The following TRAF1 variants were observed in gnomAD, a reference collection of about 807,000 sequenced individuals.
TRAF1 encodes TNF receptor-associated factor 1.
TRAF1 carries 23 observed loss-of-function variants against 40.9 expected under a neutral mutation model. The ratio of observed to expected loss-of-function variants is 0.56; its 90% CI spans 0.40 to 0.80. The LOEUF (loss-of-function observed/expected upper bound fraction) is 0.80. Ranked by LOEUF, TRAF1 falls within the 30% of genes least tolerant of loss-of-function variation. The pLI is 0.00. For synonymous variants in TRAF1, 206 were observed against 218.8 expected (o/e 0.94, Z 0.52); for missense variants, 477 against 528.7 (o/e 0.90, Z 0.96).
rs188414480 is a variant in TRAF1 at position 120,923,344 on chromosome 9, G to A, written c.228+361C>T. 5.3e-5 allele frequency among the ~76,000 whole-genome samples: 8 copies of A among 152,288 alleles called. No homozygotes were observed. The East Asian group carries it at 9.6e-4, about 18-fold the overall frequency. On this transcript the variant is annotated intron_variant, in intron 3 of 7. Coordinates refer to ENST00000373887, the MANE Select transcript of TRAF1 (RefSeq NM_005658.5). ...AGTGAGAGAGTGGCCTCACAGCCTCGAGAATTACAGGTCATTATGCATGGC... is the reference window on the plus strand; with the variant it reads ...AGTGAGAGAGTGGCCTCACAGCCTCAAGAATTACAGGTCATTATGCATGGC...
Position 120,926,035 on chromosome 9 carries a change from T to A in TRAF1, c.41A>T (p.Asp14Val). 2 of 1,611,184 alleles carry A rather than the reference T, an allele frequency of 1.2e-6. No homozygotes were observed. Among genetic ancestry groups the A allele is most frequent in the Non-Finnish European group, 8.5e-7 (1 of 1,178,572 alleles). ...SSGSSPRPAP[D>V]ENEFPFGCPP... Reference sequence around the variant, plus strand: ...GCACCCAAAGGGAAACTCATTCTCATCAGGGGCCGGGCGAGGACTGCTGCC... The same window carrying A: ...GCACCCAAAGGGAAACTCATTCTCAACAGGGGCCGGGCGAGGACTGCTGCC... The change falls in exon 2 of 8, where the codon GAT (aspartate) becomes GTT (valine). Residue 14 changes from aspartate (D) to valine (V), a missense_variant. Physicochemically the swap from Asp to Val is radical, Grantham distance 152. Transcript: ENST00000373887.
chr9:120,911,846 C>G (rs192415985), intron 5 of TRAF1, among the ~76,000 whole-genome samples: 1 of 152,276 alleles, frequency 6.6e-6, no homozygotes, highest in Admixed American at 6.5e-5. Context: ...CCACCGAAAG[C>G]TGGGCCCATG....
At chr9:120,922,912 A>G (rs529983846) in intron 3 of TRAF1, among the ~76,000 whole-genome samples, 1 of 152,210 alleles carries the variant, frequency 6.6e-6, no homozygotes, top group South Asian at 2.1e-4. Context: ...ATCATGGTTC[A>G]CTGCAGCCTC....
chr9:120,928,478 A>C (rs2046654859), upstream of TRAF1: 1 of 152,346 alleles, frequency 6.6e-6, no homozygotes. Context: ...TTCCTTCCGG[A>C]ATCCCTTCCT....
chr9:120,922,441 T>TA (rs1441648965), intron 3 of TRAF1, among the ~76,000 whole-genome samples: 1 of 152,198 alleles, frequency 6.6e-6, no homozygotes, highest in Non-Finnish European at 1.5e-5. Context: ...ATAAACTGAT[T>TA]TATAGAATTG....
chr9:120,905,379 G>C (rs979719262), intron 7 of TRAF1, 141 bp from the exon 8 acceptor site: 17 of 946,238 alleles, frequency 1.8e-5, no homozygotes, highest in Non-Finnish European at 2.3e-5. Context: ...TTAGGAGTCA[G>C]AGAAACCAAG....
chr9:120,925,376 T>A (rs960749412), intron 2 of TRAF1, among the ~76,000 whole-genome samples: 1 of 152,222 alleles, frequency 6.6e-6, no homozygotes, highest in African/African-American at 2.4e-5. Flanking sequence ...ACTGATATCA[T>A]GCCTTTCTGG....
chr9:120,918,328 A>C (rs762016400), intron 3 of TRAF1, among the ~76,000 whole-genome samples: 1 of 152,058 alleles, frequency 6.6e-6, no homozygotes, highest in Admixed American at 6.6e-5. Flanking sequence ...ATTATTACTA[A>C]TAATAAATTA....
rs1361795763 is a variant in TRAF1 at position 120,926,591 on chromosome 9, A to C, written c.-268T>G. 6.6e-6 allele frequency: 1 copy of C among 152,196 alleles called. No homozygotes were observed. Among genetic ancestry groups the C allele is most frequent in the Non-Finnish European group, 1.5e-5 (1 of 68,154 alleles). The allele number at this position is 152,196 out of a possible 1,614,324, so 9.4% of individuals were successfully genotyped here. ...CCCAGGGTGTTGGAGACAGGTCCAA[A>C]ATTTCAAGTTCTAGGCGCTTTTGCT... On this transcript the variant is annotated 5_prime_UTR_variant, in exon 1 of 8. In the 5' UTR this introduces an upstream ATG that the reference lacks. Transcript: ENST00000373887.
intron 4 of TRAF1, 44 bp from the exon 5 acceptor site, chr9:120,913,782 G>A (rs2046549226): frequency 6.6e-7 from 1 of 1,512,584 alleles, no homozygotes; most frequent in East Asian, 2.3e-5. Flanking sequence ...GAGGTGGAGT[G>A]AGGACAGGGG....
intron 4 of TRAF1, 64 bp from the exon 5 acceptor site, chr9:120,913,802 G>A: frequency 6.8e-7 from 1 of 1,480,026 alleles, no homozygotes. Context: ...GAGCAGTGGA[G>A]TGCCCTGCTA....
At position 120,904,013 on chromosome 9, in the gene TRAF1, G is replaced by C. The variant is rs2046459882; in HGVS notation, c.*1007C>G. ...CTTTGGGGTTATACATTGCTCAGTG[G>C]CTTGGAGGTCCTGATCAGTCTGCTG... is the stretch of plus-strand genomic sequence containing the variant. On this transcript the variant is annotated 3_prime_UTR_variant, in exon 8 of 8. Transcript: ENST00000373887. 6.6e-6 allele frequency: 1 copy of C among 152,286 alleles called. No individual in the cohort carries two copies. The highest frequency in any genetic ancestry group is 2.4e-5 in the African/African-American group (1 of 41,466). The allele number at this position is 152,286 out of a possible 1,614,324, so 9.4% of individuals were successfully genotyped here.
Position 120,904,772 on chromosome 9 carries a change from C to G in TRAF1, c.*248G>C. On this transcript the variant is annotated 3_prime_UTR_variant, in exon 8 of 8. Transcript: ENST00000373887. ...GAGTGGCTCACTGGCCTCCCAGTGTCGCATGGTCCGTGCAGAGGGGAGCAG... is the reference window on the plus strand; with the variant it reads ...GAGTGGCTCACTGGCCTCCCAGTGTGGCATGGTCCGTGCAGAGGGGAGCAG... The G allele has an allele frequency of 1.9e-6, 1 of 533,242 alleles. No individual in the cohort carries two copies. The highest frequency in any genetic ancestry group is 3.4e-6 in the Non-Finnish European group (1 of 296,918). 33.0% of individuals were successfully genotyped at this position (533,242 alleles called of 1,614,324 possible). A position where few individuals can be genotyped will look rare whatever the true frequency, so the allele number is the denominator to read the frequency against.
intron 3 of TRAF1, among the ~76,000 whole-genome samples, chr9:120,920,377 C>T (rs1442086169): frequency 1.3e-5 from 2 of 152,176 alleles, no homozygotes; most frequent in African/African-American, 2.4e-5. Context: ...CATGGAGCCA[C>T]GTAGCATGAA....
chr9:120,924,140 C>T (rs1202638314), intron 2 of TRAF1, among the ~76,000 whole-genome samples: 1 of 152,132 alleles, frequency 6.6e-6, no homozygotes, highest in Non-Finnish European at 1.5e-5. Flanking sequence ...ACATGATGCC[C>T]TGATTTGCTT....
intron 7 of TRAF1, among the ~76,000 whole-genome samples, chr9:120,907,981 C>T (rs766331312): frequency 3.3e-5 from 5 of 152,180 alleles, no homozygotes; most frequent in Non-Finnish European, 7.3e-5. Context: ...CAGCCTCAAC[C>T]TCCCAGGCTC....
At chr9:120,906,034 C>G (rs2131616912) in intron 7 of TRAF1, among the ~76,000 whole-genome samples, 1 of 152,256 alleles carries the variant, frequency 6.6e-6, no homozygotes, top group East Asian at 1.9e-4. Flanking sequence ...ACATCCAGAC[C>G]AAAGCGGCAC....
chr9:120,905,229 T>G lies in TRAF1; in HGVS notation c.1042A>C (p.Met348Leu), dbSNP rs1157682601. 6.2e-7 allele frequency: 1 copy of G among 1,610,176 alleles called. No homozygotes were observed. The highest frequency in any genetic ancestry group is 8.5e-7 in the Non-Finnish European group (1 of 1,178,184). ...PWPFRNKVTF[M>L]LLDQNNREHA... ...TCACGGTTGTTCTGGTCCAGCAGCA[T>G]GAAGGTGACCTGCAGGGAAGGGATA... is the stretch of plus-strand genomic sequence containing the variant. The change falls in exon 8 of 8, where the codon ATG becomes CTG. Residue 348 changes from methionine to leucine, a missense_variant. Transcript: ENST00000373887.
In TRAF1 at chr9:120,904,321, G is replaced by GTCAGTCCACCTTCA. The variant is rs1451940962; in HGVS notation, c.*698_*699insTGAAGGTGGACTGA. The GTCAGTCCACCTTCA allele has an allele frequency of 1.3e-5, 2 of 152,488 alleles. No individual in the cohort carries two copies. The highest frequency in any genetic ancestry group is 4.8e-5 in the African/African-American group (2 of 41,442). The allele number at this position is 152,488 out of a possible 1,614,324, so 9.4% of individuals were successfully genotyped here. On this transcript the variant is annotated 3_prime_UTR_variant, in exon 8 of 8. Coordinates refer to ENST00000373887, the MANE Select transcript of TRAF1 (RefSeq NM_005658.5). ...GCCCTGTGGACCAGGTCAGTCCAGT[G>GTCAGTCCACCTTCA]GGGGTTACTGAAGGTGAGTGAGGAG... is the stretch of plus-strand genomic sequence containing the variant.
Sources: allele counts gnomAD v4.1 joint callset (sites outside exome capture counted in the v4.1 genomes callset), GRCh38; gene constraint gnomAD v4.1.1; transcripts MANE v1.5; gene names NCBI Gene and HGNC (gene_info 2026-07-23, HGNC 2026-07-21).